Variants in KCNAB1 observed in about 807,000 individuals in gnomAD.
The protein encoded by KCNAB1 is voltage-gated potassium channel subunit beta-1.
Under a neutral mutation model 64.6 loss-of-function variants are expected in KCNAB1, and 35 were observed. That is an observed-to-expected ratio of 0.54 (90% confidence interval 0.41 to 0.72). The LOEUF (loss-of-function observed/expected upper bound fraction) is 0.72. Among genes scored for constraint, KCNAB1 ranks in the 30% least tolerant of loss-of-function variants. The pLI, the probability that KCNAB1 is intolerant of heterozygous loss-of-function variation, is 0.00. For synonymous variants in KCNAB1, 177 were observed against 183.8 expected, an observed-to-expected ratio of 0.96 and a Z score of 0.30; for missense variants, 401 against 512.9, an observed-to-expected ratio of 0.78 and a Z score of 2.11.
intron 1 of KCNAB1, among the ~76,000 whole-genome samples, chr3:156,337,160 T>C (rs1723770456): frequency 6.6e-6 from 1 of 152,054 alleles, no homozygotes; most frequent in African/African-American, 2.4e-5. Context: ...GACCAATAAC[T>C]CCTCCTCTAG....
intron 1 of KCNAB1, among the ~76,000 whole-genome samples, chr3:156,195,935 C>A (rs981915767): frequency 6.6e-6 from 1 of 152,138 alleles, no homozygotes; most frequent in African/African-American, 2.4e-5. Flanking sequence ...ATGCTTAAGT[C>A]TTTAATCCAT....
chr3:156,402,451 A>T (rs1713971582), intron 1 of KCNAB1, among the ~76,000 whole-genome samples: 1 of 152,238 alleles, frequency 6.6e-6, no homozygotes, highest in Non-Finnish European at 1.5e-5. Flanking sequence ...AATTATCATC[A>T]AACTGCCCAG....
At chr3:156,193,461 G>C (rs781580029) in intron 1 of KCNAB1, among the ~76,000 whole-genome samples, 1 of 152,122 alleles carries the variant, frequency 6.6e-6, no homozygotes, top group Non-Finnish European at 1.5e-5. Flanking sequence ...TGTTTAAAGT[G>C]GGTGTATTAG....
chr3:156,239,010 T>TA (rs1717016059), intron 1 of KCNAB1, among the ~76,000 whole-genome samples: 1 of 152,234 alleles, frequency 6.6e-6, no homozygotes, highest in Non-Finnish European at 1.5e-5. Flanking sequence ...AGCAGATCGT[T>TA]ACCTTTACTC....
intron 1 of KCNAB1, among the ~76,000 whole-genome samples, chr3:156,221,775 TC>T (rs1172625958): frequency 7.4e-6 from 1 of 134,556 alleles, no homozygotes; most frequent in African/African-American, 2.8e-5. Context: ...CAAAACTCCA[TC>T]CCCCCCCGCC....
chr3:156,442,757 T>C (rs1717093905), intron 2 of KCNAB1, among the ~76,000 whole-genome samples: 1 of 152,186 alleles, frequency 6.6e-6, no homozygotes, highest in Admixed American at 6.5e-5. Flanking sequence ...GCAGACAGCC[T>C]GCCCTAGGAT....
At chr3:156,272,093 G>A (rs958669486) in intron 1 of KCNAB1, among the ~76,000 whole-genome samples, 2 of 152,260 alleles carry the variant, frequency 1.3e-5, no homozygotes, top group African/African-American at 4.8e-5. Flanking sequence ...GTGGAGCTGG[G>A]GGAGGAGTGA....
intron 1 of KCNAB1, among the ~76,000 whole-genome samples, chr3:156,283,347 A>G (rs1301954386): frequency 4.0e-5 from 6 of 151,302 alleles, no homozygotes; most frequent in African/African-American, 1.2e-4. Flanking sequence ...TGTTAGTCTG[A>G]TGGGCTTCCC....
At chr3:156,476,530 C>G (rs1217193296) in intron 8 of KCNAB1, among the ~76,000 whole-genome samples, 1 of 149,388 alleles carries the variant, frequency 6.7e-6, no homozygotes, top group Non-Finnish European at 1.5e-5. Flanking sequence ...TATACACACA[C>G]ACACACACAC....
At chr3:156,135,923 G>A (rs993076738) in intron 1 of KCNAB1, among the ~76,000 whole-genome samples, 2 of 152,228 alleles carry the variant, frequency 1.3e-5, no homozygotes, top group African/African-American at 4.8e-5. Flanking sequence ...CTTGCTAGAT[G>A]AAGAACAAAT....
chr3:156,346,634 A>G (rs1366107630), intron 1 of KCNAB1, among the ~76,000 whole-genome samples: 1 of 152,246 alleles, frequency 6.6e-6, no homozygotes, highest in African/African-American at 2.4e-5. Flanking sequence ...AACAAGTATC[A>G]TAAGCTTCAG....
At chr3:156,209,053 T>C (rs1027960226) in intron 1 of KCNAB1, among the ~76,000 whole-genome samples, 2 of 152,260 alleles carry the variant, frequency 1.3e-5, no homozygotes, top group Admixed American at 1.3e-4. Context: ...CGTAAGATAC[T>C]ATGTTTTTTA....
chr3:156,168,349 C>T (rs1711739236), intron 1 of KCNAB1, among the ~76,000 whole-genome samples: 1 of 152,070 alleles, frequency 6.6e-6, no homozygotes, highest in Admixed American at 6.6e-5. Context: ...AAGAAAGAAA[C>T]ACACTGCCTA....
At chr3:156,217,818 A>T (rs186592031) in intron 1 of KCNAB1, among the ~76,000 whole-genome samples, 4 of 152,332 alleles carry the variant, frequency 2.6e-5, no homozygotes, top group Admixed American at 2.6e-4. Context: ...AGTTACCTGG[A>T]ACAGGTAACG....
chr3:156,492,893 T>C (rs1303570809), intron 8 of KCNAB1, among the ~76,000 whole-genome samples: 2 of 152,144 alleles, frequency 1.3e-5, no homozygotes, highest in Non-Finnish European at 2.9e-5. Flanking sequence ...GCTACGTAAG[T>C]TGGAAGTAGT....
chr3:156,406,429 G>A (rs1471755938), intron 1 of KCNAB1, among the ~76,000 whole-genome samples: 1 of 152,078 alleles, frequency 6.6e-6, no homozygotes, highest in Non-Finnish European at 1.5e-5. Context: ...CCATGAGAAG[G>A]GCAGAACTGA....
At chr3:156,478,462 G>A (rs1714541989) in intron 8 of KCNAB1, among the ~76,000 whole-genome samples, 1 of 152,012 alleles carries the variant, frequency 6.6e-6, no homozygotes, top group Admixed American at 6.6e-5. Context: ...AGGGGACGTA[G>A]CACTTTCAAA....
In KCNAB1 at chr3:156,130,352, A is replaced by G. The variant is rs184833529; in HGVS notation, c.275+9466A>G. On this transcript the variant is annotated intron_variant, in intron 1 of 13. Transcript: ENST00000490337. Reference sequence around the variant, plus strand: ...TTCCTTCATTCCTTGACCTTGAACAAGCCTTCCTGGGTGAGCTGACCAAAG... The same window carrying G: ...TTCCTTCATTCCTTGACCTTGAACAGGCCTTCCTGGGTGAGCTGACCAAAG... Among the ~76,000 whole-genome samples the G allele has an allele frequency of 2.9e-3, 435 of 152,328 alleles. 2 individuals carry two copies. Among genetic ancestry groups the G allele is most frequent in the South Asian group, 0.012 (58 of 4,824 alleles).
At chr3:156,319,312 A>G (rs73014153) in intron 1 of KCNAB1, among the ~76,000 whole-genome samples, 6,702 of 152,178 alleles carry the variant, frequency 0.044, 520 homozygotes, top group African/African-American at 0.15. Context: ...TTTTGCTCAC[A>G]CTACATTTCC....
Sources: allele counts gnomAD v4.1 joint callset (sites outside exome capture counted in the v4.1 genomes callset), GRCh38; gene constraint gnomAD v4.1.1; transcripts MANE v1.5; gene names NCBI Gene and HGNC (gene_info 2026-07-23, HGNC 2026-07-21).